NCOA1: variants seen among roughly 807,000 people sequenced by gnomAD.
NCOA1 encodes the protein nuclear receptor coactivator 1, also known as Hin-2 protein.
Under a neutral mutation model 150.9 loss-of-function variants are expected in NCOA1, and 35 were observed. That is an observed-to-expected ratio of 0.23 (90% CI 0.18 to 0.31). The LOEUF is 0.31. Ranked by LOEUF, NCOA1 falls within the 10% of genes least tolerant of loss-of-function variation. NCOA1 has a pLI of 1.00. For synonymous variants in NCOA1, 590 were observed against 630.0 expected, an observed-to-expected ratio of 0.94 and a Z score of 0.95; for missense variants, 1,491 against 1,749.3, an observed-to-expected ratio of 0.85 and a Z score of 2.63.
In NCOA1 at chr2:24,677,630, G is replaced by A. The variant is rs184772774; in HGVS notation, c.354+4167G>A. ...GTAGAAATGGGGTTTCGCCATGTTG[G>A]CCAGTCTGGTCTCGAACTCCTGGCC... On this transcript the variant is annotated intron_variant, in intron 7 of 22. Transcript: ENST00000348332. Among the ~76,000 whole-genome samples the A allele has an allele frequency of 6.6e-5, 10 of 152,212 alleles. No homozygotes were observed. In the East Asian group the frequency reaches 1.9e-3, roughly 30 times the overall value.
chr2:24,553,615 A>G (rs538913330), intron 1 of NCOA1, among the ~76,000 whole-genome samples: 1 of 152,312 alleles, frequency 6.6e-6, no homozygotes, highest in South Asian at 2.1e-4. Flanking sequence ...CATATGTTGA[A>G]CCAACATTGC....
intron 2 of NCOA1, among the ~76,000 whole-genome samples, chr2:24,565,017 A>G (rs1024762527): frequency 2.6e-5 from 4 of 152,132 alleles, no homozygotes; most frequent in Non-Finnish European, 4.4e-5. Flanking sequence ...AGGATTTTCT[A>G]TTCACCAGTA....
intron 17 of NCOA1, among the ~76,000 whole-genome samples, chr2:24,730,871 CA>C (rs35975198): frequency 0.018 from 1,118 of 61,894 alleles, 11 homozygotes; most frequent in African/African-American, 0.066. Flanking sequence ...ACTAAAAGTA[CA>C]AAAAAAAAAA....
rs1255787278 is a variant in NCOA1, at chr2:24,757,960, T to C, written c.3882-13T>C. On this transcript the variant is annotated splice_polypyrimidine_tract_variant and intron_variant, in intron 20 of 22. Transcript: ENST00000348332. ...ATCAGTGGATGTAATCTGGATTGTT[T>C]TTGAGTTTACAGTGTGTTCAGTCAA... 1 of 1,612,224 alleles carries C rather than the reference T, an allele frequency of 6.2e-7. No homozygotes were observed.
chr2:24,724,888 G>A (rs956400592), intron 14 of NCOA1, among the ~76,000 whole-genome samples: 2 of 151,960 alleles, frequency 1.3e-5, no homozygotes, highest in African/African-American at 2.4e-5. Flanking sequence ...ATGACAGAAA[G>A]TAAGTGATTA....
At chr2:24,621,834 T>A (rs749739362) in intron 3 of NCOA1, among the ~76,000 whole-genome samples, 1 of 152,156 alleles carries the variant, frequency 6.6e-6, no homozygotes, top group African/African-American at 2.4e-5. Context: ...TAGGTCTAAT[T>A]TGTACCTAAT....
At chr2:24,597,499 A>AGGGGCT (rs202173972) in intron 3 of NCOA1, among the ~76,000 whole-genome samples, 1 of 144,332 alleles carries the variant, frequency 6.9e-6, no homozygotes, top group African/African-American at 2.5e-5. Flanking sequence ...TGTTTGTGGC[A>AGGGGCT]GGGGCTGGGG....
chr2:24,650,112 G>T (rs117555233), intron 4 of NCOA1, among the ~76,000 whole-genome samples: 1 of 152,082 alleles, frequency 6.6e-6, no homozygotes, highest in Non-Finnish European at 1.5e-5. Flanking sequence ...GGCCATAATG[G>T]TTAAGAACGT....
intron 10 of NCOA1, among the ~76,000 whole-genome samples, chr2:24,696,126 G>C (rs1339602344): frequency 6.6e-6 from 1 of 152,150 alleles, no homozygotes; most frequent in Non-Finnish European, 1.5e-5. Context: ...AAATTTCCTT[G>C]AGTTTCAGTT....
chr2:24,513,927 G>A (rs777922890), intron 1 of NCOA1, among the ~76,000 whole-genome samples: 6 of 152,092 alleles, frequency 3.9e-5, no homozygotes, highest in Non-Finnish European at 8.8e-5. Context: ...GTGTGGCTCA[G>A]GATCTATGAC....
intron 3 of NCOA1, among the ~76,000 whole-genome samples, chr2:24,641,939 A>G (rs1558866199): frequency 6.6e-6 from 1 of 150,380 alleles, no homozygotes; most frequent in East Asian, 1.9e-4. Flanking sequence ...CCATAATACT[A>G]TTTCTGCCCC....
intron 3 of NCOA1, among the ~76,000 whole-genome samples, chr2:24,627,733 T>C (rs1669497301): frequency 6.6e-6 from 1 of 152,240 alleles, no homozygotes; most frequent in Non-Finnish European, 1.5e-5. Context: ...AGAAGCTTTT[T>C]GATTAAGTAG....
intron 2 of NCOA1, among the ~76,000 whole-genome samples, chr2:24,577,188 G>A (rs1244919617): frequency 6.6e-6 from 1 of 151,864 alleles, no homozygotes; most frequent in East Asian, 1.9e-4. Flanking sequence ...CTTTAGTTTT[G>A]TTATCTGTTT....
chr2:24,724,289 A>G (rs982022863), intron 14 of NCOA1, among the ~76,000 whole-genome samples: 10 of 152,134 alleles, frequency 6.6e-5, no homozygotes, highest in African/African-American at 2.4e-4. Context: ...CCTGTATTAC[A>G]TGTATACTTA....
rs75278551 is a variant in NCOA1 at position 24,553,071 on chromosome 2, G to A, written c.-395-11224G>A. Among the ~76,000 whole-genome samples the A allele has an allele frequency of 4.6e-4, 70 of 152,252 alleles. No individual in the cohort carries two copies. In the East Asian group the frequency reaches 0.012, roughly 26 times the overall value. The stretch of plus-strand genomic sequence containing the variant: ...GAGAGCAGACGTTCATGTCTCGTTC[G>A]TCATCTTAGGAGACAACGTTTAATC... On this transcript the variant is annotated intron_variant, in intron 1 of 22. Transcript: ENST00000348332.
chr2:24,503,668 T>C (rs1558747289), intron 1 of NCOA1, among the ~76,000 whole-genome samples: 2 of 152,040 alleles, frequency 1.3e-5, no homozygotes, highest in Non-Finnish European at 2.9e-5. Flanking sequence ...CTGAGATATA[T>C]GGAAACTTGT....
At chr2:24,695,197 A>G (rs1202036747) in intron 10 of NCOA1, among the ~76,000 whole-genome samples, 2 of 152,174 alleles carry the variant, frequency 1.3e-5, no homozygotes, top group Non-Finnish European at 2.9e-5. Context: ...AAAATTTTAG[A>G]TATACCTGGT....
Position 24,706,879 on chromosome 2 carries a change from A to G in NCOA1, c.1409A>G (p.Asn470Ser). Residue 470 changes from asparagine (N) to serine (S), a missense_variant, in exon 13 of 23, where the codon AAC becomes AGC. Physicochemically the swap from Asn to Ser is conservative, Grantham distance 46. Transcript: ENST00000348332. Reference protein sequence around the residue: ...ASSQSSNPSLNLNNSPMEGTG... With the variant: ...ASSQSSNPSLSLNNSPMEGTG... Reference sequence around the variant, plus strand: ...TCACAGAGCAGTAATCCCTCTTTAAACCTCAATAATTCTCCTATGGAAGGT... The same window carrying G: ...TCACAGAGCAGTAATCCCTCTTTAAGCCTCAATAATTCTCCTATGGAAGGT... The G allele has an allele frequency of 1.2e-6, 2 of 1,614,070 alleles. No individual in the cohort carries two copies. The highest frequency in any genetic ancestry group is 1.3e-5 in the African/African-American group (1 of 74,996).
chr2:24,614,194 C>A (rs1270675341), intron 3 of NCOA1, among the ~76,000 whole-genome samples: 1 of 30,024 alleles, frequency 3.3e-5, no homozygotes, highest in Non-Finnish European at 8.3e-5. Flanking sequence ...CGATTCATTT[C>A]CATTCTTTTT....
Sources: gnomAD v4.1 joint callset for allele counts (sites outside exome capture counted in the v4.1 genomes callset) on GRCh38, gnomAD v4.1.1 for gene constraint, MANE v1.5 for transcripts, NCBI Gene and HGNC (gene_info 2026-07-23, HGNC 2026-07-21) for gene names.